Variants in WDFY4 observed in about 807,000 individuals in gnomAD.
The protein encoded by WDFY4 is WDFY family member 4.
A neutral mutation model predicts 351.9 loss-of-function variants in WDFY4; 169 were observed. That is an observed-to-expected ratio of 0.48 (90% confidence interval 0.42 to 0.55). The LOEUF is 0.55. Ranked by LOEUF, WDFY4 falls within the 20% of genes least tolerant of loss-of-function variation. The probability of loss-of-function intolerance (pLI) is 0.00; values close to 1 mark genes in which losing one functional copy is unlikely to be tolerated. For synonymous variants in WDFY4, 1,622 were observed against 1,574.6 expected (o/e 1.03, Z -0.71); for missense variants, 3,803 against 3,935.6 (o/e 0.97, Z 0.90).
At chr10:48,819,353 A>G (rs1208115453) in intron 32 of WDFY4, among the ~76,000 whole-genome samples, 1 of 152,194 alleles carries the variant, frequency 6.6e-6, no homozygotes, top group African/African-American at 2.4e-5. Context: ...ATTTGCTGTG[A>G]ATTTATATGG....
At chr10:48,694,627 A>G (rs2063283151) in intron 1 of WDFY4, among the ~76,000 whole-genome samples, 1 of 152,116 alleles carries the variant, frequency 6.6e-6, no homozygotes, top group Non-Finnish European at 1.5e-5. Context: ...CCGCTCCGTG[A>G]GACAAGCACC....
chr10:48,813,574 T>C (rs1349615263), intron 30 of WDFY4, among the ~76,000 whole-genome samples: 3 of 152,230 alleles, frequency 2.0e-5, no homozygotes, highest in Non-Finnish European at 2.9e-5. Context: ...ATCCTGATTC[T>C]AAACCCTAAG....
At chr10:48,930,643 A>G (rs1358229047) in intron 47 of WDFY4, among the ~76,000 whole-genome samples, 1 of 152,246 alleles carries the variant, frequency 6.6e-6, no homozygotes, top group Non-Finnish European at 1.5e-5. Context: ...AATAAGAACA[A>G]GACTTTTGAT....
chr10:48,869,542 ATT>A lies in WDFY4; in HGVS notation c.6741+2213_6741+2214del, dbSNP rs35719998. ...TGCAATTCAAATAGTCAATCAGCCAATTTTTTTTTTTTTTGATCCAGAAGTTC... is the reference window on the plus strand; with the variant it reads ...TGCAATTCAAATAGTCAATCAGCCAATTTTTTTTTTTTGATCCAGAAGTTC... On this transcript the variant is annotated intron_variant, in intron 40 of 61. Transcript: ENST00000325239. Among the ~76,000 whole-genome samples the A allele has an allele frequency of 6.1e-4, 91 of 148,258 alleles. No individual in the cohort carries two copies. The Middle Eastern group carries it at 0.011, about 17-fold the overall frequency.
chr10:48,880,239 C>G (rs2889698), intron 43 of WDFY4, among the ~76,000 whole-genome samples: 26,539 of 152,180 alleles, frequency 0.17, 2,947 homozygotes, highest in African/African-American at 0.31. Flanking sequence ...GTCCCAGCCC[C>G]GCCTCTTGCA....
intron 39 of WDFY4, among the ~76,000 whole-genome samples, chr10:48,833,424 G>T (rs975671960): frequency 2.6e-5 from 4 of 151,958 alleles, no homozygotes; most frequent in Admixed American, 6.6e-5. Flanking sequence ...ATGGTAGCAG[G>T]GTTTCAAAAG....
chr10:48,897,540 T>A lies in WDFY4; in HGVS notation c.7403T>A (p.Met2468Lys). ...YSCQCHSYAD[M>K]RELRQARFLL... Reference sequence around the variant, plus strand: ...TGCCAGTGCCACAGCTACGCTGACATGCGGGAGCTACGGCAGGCTCGCTTC... The same window carrying A: ...TGCCAGTGCCACAGCTACGCTGACAAGCGGGAGCTACGGCAGGCTCGCTTC... The change falls in exon 45 of 62, where the codon ATG (methionine) becomes AAG (lysine). Residue 2468 changes from methionine to lysine, a missense_variant. Coordinates refer to ENST00000325239, the MANE Select transcript of WDFY4 (RefSeq NM_001394531.1). The A allele has an allele frequency of 6.4e-7, 1 of 1,550,540 alleles. No individual in the cohort carries two copies. The highest frequency in any genetic ancestry group is 8.7e-7 in the Non-Finnish European group (1 of 1,146,992).
At chr10:48,699,358 C>A (rs1384200363) in intron 1 of WDFY4, among the ~76,000 whole-genome samples, 2 of 152,194 alleles carry the variant, frequency 1.3e-5, no homozygotes, top group African/African-American at 4.8e-5. Flanking sequence ...ATTGTAACAT[C>A]CAGTGTCCCT....
In WDFY4 at chr10:48,915,417, A is replaced by ATT. The variant is rs11413657; in HGVS notation, c.7586+13564_7586+13565dup. Among the ~76,000 whole-genome samples, 947 of 147,780 alleles carry ATT rather than the reference A, an allele frequency of 6.4e-3. 4 individuals are homozygous for ATT. Among genetic ancestry groups the ATT allele is most frequent in the South Asian group, 0.026 (122 of 4,658 alleles). ...GGCCTCCTGTGCCTCCTGCTTGCTG[A>ATT]TTTTTTTTTTTGGACCAAGATTTCC... On this transcript the variant is annotated intron_variant, in intron 47 of 61. Coordinates refer to ENST00000325239, the MANE Select transcript of WDFY4 (RefSeq NM_001394531.1).
intron 54 of WDFY4, 120 bp from the exon 55 acceptor site, chr10:48,966,406 G>A (rs1842083149): frequency 1.8e-6 from 2 of 1,141,030 alleles, no homozygotes; most frequent in Non-Finnish European, 2.4e-6. Context: ...GTTCAGCTCT[G>A]TCAGGAACAA....
intron 39 of WDFY4, among the ~76,000 whole-genome samples, chr10:48,842,482 A>G (rs766278046): frequency 3.9e-5 from 6 of 152,232 alleles, no homozygotes; most frequent in South Asian, 4.2e-4. Context: ...GCGGCTGCCC[A>G]GAGGAGGACG....
In WDFY4 at chr10:48,907,068, G is replaced by A. The variant is rs567652352; in HGVS notation, c.7586+5205G>A. ...TAAAACATACAAAAAGAGTACTGGG[G>A]AACCTAATTCTCTGTATCAGTTCTC... On this transcript the variant is annotated intron_variant, in intron 47 of 61. Transcript: ENST00000325239. Among the ~76,000 whole-genome samples, 3 of 152,276 alleles carry A rather than the reference G, an allele frequency of 2.0e-5. No homozygotes were observed. The East Asian group carries it at 5.8e-4, about 29-fold the overall frequency.
At chr10:48,884,615 G>GCA (rs1052830275) in intron 43 of WDFY4, among the ~76,000 whole-genome samples, 5 of 151,830 alleles carry the variant, frequency 3.3e-5, no homozygotes, top group African/African-American at 7.3e-5. Context: ...GTGTGCACGT[G>GCA]CACACACACA....
chr10:48,966,853 G>A, intron 55 of WDFY4, 180 bp downstream of exon 55: 1 of 832,252 alleles, frequency 1.2e-6, no homozygotes, highest in Non-Finnish European at 1.8e-6. Context: ...AAGTGTCTAG[G>A]AGCTCCTCTG....
Position 48,872,225 on chromosome 10 carries a change from A to G in WDFY4, c.6742-1266A>G, listed in dbSNP as rs114998096. Among the ~76,000 whole-genome samples, 1,085 of 152,364 alleles carry G rather than the reference A, an allele frequency of 7.1e-3. 18 individuals carry two copies. The highest frequency in any genetic ancestry group is 0.025 in the African/African-American group (1,023 of 41,582). On this transcript the variant is annotated intron_variant, in intron 40 of 61. Transcript: ENST00000325239. ...GCCAAGATTTGCAAGGCCTACATCTATAAGTCTTCCAGTTTTTTGAAATGC... is the reference window on the plus strand; with the variant it reads ...GCCAAGATTTGCAAGGCCTACATCTGTAAGTCTTCCAGTTTTTTGAAATGC...
chr10:48,826,975 A>C lies in WDFY4; in HGVS notation c.6221+66A>C. On this transcript the variant is annotated intron_variant, in intron 36 of 61. Transcript: ENST00000325239. ...ATGCAGAAAGGAGAGATTTAGAGGA[A>C]AGCTTGATTGAGGACTGAGTTCTGT... 4.5e-6 allele frequency: 6 copies of C among 1,336,246 alleles called. 1 individual carries two copies. The highest frequency in any genetic ancestry group is 3.6e-4 in the Middle Eastern group (2 of 5,530). The allele number at this position is 1,336,246 out of a possible 1,614,324, so 82.8% of individuals were successfully genotyped here. A position where few individuals can be genotyped will look rare whatever the true frequency, so the allele number is the denominator to read the frequency against.
At chr10:48,754,579 T>A (rs1180306327) in intron 12 of WDFY4, among the ~76,000 whole-genome samples, 1 of 151,388 alleles carries the variant, frequency 6.6e-6, no homozygotes, top group African/African-American at 2.4e-5. Flanking sequence ...ATTATTATGT[T>A]ATATATTAAT....
intron 13 of WDFY4, among the ~76,000 whole-genome samples, chr10:48,766,000 C>T (rs992671441): frequency 1.3e-5 from 2 of 152,194 alleles, no homozygotes; most frequent in Non-Finnish European, 2.9e-5. Flanking sequence ...ATTTCAAACA[C>T]TGAACTAATT....
intron 39 of WDFY4, among the ~76,000 whole-genome samples, chr10:48,846,095 C>A (rs1423577314): frequency 6.6e-6 from 1 of 152,198 alleles, no homozygotes; most frequent in Non-Finnish European, 1.5e-5. Flanking sequence ...TGCCTCTGAT[C>A]AAAAACCATC....
Sources: allele counts gnomAD v4.1 joint callset (sites outside exome capture counted in the v4.1 genomes callset), GRCh38; gene constraint gnomAD v4.1.1; transcripts MANE v1.5; gene names NCBI Gene and HGNC (gene_info 2026-07-23, HGNC 2026-07-21).